EIF4G3: variants seen among roughly 807,000 people sequenced by gnomAD.
EIF4G3 encodes eukaryotic translation initiation factor 4 gamma 3, also known as eIF-4-gamma 3.
In EIF4G3, 34 loss-of-function variants were observed where a neutral mutation model predicts 186.4. The ratio of observed to expected loss-of-function variants is 0.18; its 90% CI spans 0.14 to 0.24. The LOEUF (loss-of-function observed/expected upper bound fraction) is 0.24. Among genes scored for constraint, EIF4G3 ranks in the 10% least tolerant of loss-of-function variants. The pLI is 1.00. For synonymous variants in EIF4G3, 673 were observed against 679.5 expected (o/e 0.99, Z 0.15); for missense variants, 1,536 against 1,948.5 (o/e 0.79, Z 3.99).
chr1:20,987,054 C>T (rs565179728), intron 7 of EIF4G3, among the ~76,000 whole-genome samples: 1 of 152,214 alleles, frequency 6.6e-6, no homozygotes, highest in East Asian at 1.9e-4. Context: ...GCTTACTTTC[C>T]CAGAAACACT....
chr1:20,916,953 A>G (rs1230931433), intron 14 of EIF4G3, among the ~76,000 whole-genome samples: 1 of 152,230 alleles, frequency 6.6e-6, no homozygotes, highest in East Asian at 1.9e-4. Context: ...AAAAATTAAT[A>G]TACACCTATA....
At chr1:20,983,458 C>T (rs2078735833) in intron 7 of EIF4G3, among the ~76,000 whole-genome samples, 1 of 152,216 alleles carries the variant, frequency 6.6e-6, no homozygotes, top group African/African-American at 2.4e-5. Context: ...CAGTAAACCT[C>T]CCATTACTGG....
intron 4 of EIF4G3, among the ~76,000 whole-genome samples, chr1:21,047,946 A>G (rs1482998846): frequency 1.3e-5 from 2 of 152,150 alleles, no homozygotes; most frequent in Admixed American, 6.5e-5. Flanking sequence ...GATGGAGGGG[A>G]AAAAAGGGCA....
chr1:20,918,815 G>C (rs2094200903), intron 14 of EIF4G3, among the ~76,000 whole-genome samples: 1 of 147,972 alleles, frequency 6.8e-6, no homozygotes, highest in Admixed American at 6.8e-5. Context: ...GAGCAGCTGA[G>C]ATTATAGGTC....
intron 2 of EIF4G3, among the ~76,000 whole-genome samples, chr1:21,119,516 A>G (rs2096889502): frequency 6.6e-6 from 1 of 152,208 alleles, no homozygotes; most frequent in Non-Finnish European, 1.5e-5. Context: ...CATGCTGACT[A>G]GTGAAAGAAA....
chr1:21,108,415 T>C (rs556874163), intron 2 of EIF4G3, among the ~76,000 whole-genome samples: 1 of 152,086 alleles, frequency 6.6e-6, no homozygotes, highest in Admixed American at 6.6e-5. Context: ...ATTAGTAAGA[T>C]TACTAGACAA....
At chr1:21,111,633 G>T (rs533781473) in intron 2 of EIF4G3, 1 of 258,288 alleles carries the variant, frequency 3.9e-6, no homozygotes, top group East Asian at 9.1e-5. Flanking sequence ...GTCCGTGGGA[G>T]CATGTGAGAT....
At chr1:21,141,480 GAA>G (rs1221266065) in intron 2 of EIF4G3, among the ~76,000 whole-genome samples, 8 of 70,008 alleles carry the variant, frequency 1.1e-4, no homozygotes, top group Middle Eastern at 0.018. Flanking sequence ...CCTACCAAGA[GAA>G]AAAAAAAAAA....
chr1:21,010,357 T>C lies in EIF4G3; in HGVS notation c.-66-7549A>G, dbSNP rs1015288565. 2.4e-4 allele frequency among the ~76,000 whole-genome samples: 36 copies of C among 149,102 alleles called. 1 individual carries two copies. Among genetic ancestry groups the C allele is most frequent in the African/African-American group, 8.7e-4 (35 of 40,020 alleles). ...ATCAGTTGAACCCAGGAGGCGAAGG[T>C]TGCAGTAAGCTGAGATAGTGCCACT... On this transcript the variant is annotated intron_variant, in intron 4 of 36. Transcript: ENST00000602326.
intron 7 of EIF4G3, among the ~76,000 whole-genome samples, chr1:20,992,187 A>T (rs1324826420): frequency 6.6e-6 from 1 of 152,202 alleles, no homozygotes; most frequent in Non-Finnish European, 1.5e-5. Flanking sequence ...CCAAAAAACA[A>T]AAAGTTCATA....
In EIF4G3 at chr1:20,899,691, A is replaced by G. The variant is rs1435210034; in HGVS notation, c.1999+6T>C. On this transcript the variant is annotated splice_donor_region_variant and intron_variant, in intron 16 of 36. Transcript: ENST00000602326. ...GAGGTACATAGGAAGGCAGGTATAA[A>G]CTTACCTGGTTTAAATGGAAATGTA... 1 of 1,614,026 alleles carries G rather than the reference A, an allele frequency of 6.2e-7. No individual in the cohort carries two copies. The highest frequency in any genetic ancestry group is 1.1e-5 in the South Asian group (1 of 91,070).
chr1:21,092,023 CTA>C (rs1301716152), intron 2 of EIF4G3, among the ~76,000 whole-genome samples: 1 of 152,184 alleles, frequency 6.6e-6, no homozygotes, highest in Non-Finnish European at 1.5e-5. Flanking sequence ...ACTTCCAACA[CTA>C]TGTTGAATAG....
At chr1:20,828,918 C>T (rs1207566418) in intron 31 of EIF4G3, among the ~76,000 whole-genome samples, 3 of 152,132 alleles carry the variant, frequency 2.0e-5, no homozygotes, top group Non-Finnish European at 4.4e-5. Flanking sequence ...AATCTATCAT[C>T]GCCACTACCC....
At chr1:21,176,127 AC>A (rs947652123) in intron 2 of EIF4G3, 47 bp downstream of exon 2, 7 of 336,162 alleles carry the variant, frequency 2.1e-5, no homozygotes, top group African/African-American at 1.3e-4. Flanking sequence ...GTCCCCCTGG[AC>A]TGCGACGACG....
At chr1:20,893,982 TA>T (rs1044284302) in intron 17 of EIF4G3, among the ~76,000 whole-genome samples, 5 of 150,052 alleles carry the variant, frequency 3.3e-5, no homozygotes, top group African/African-American at 1.2e-4. Flanking sequence ...ATTTTAGAAT[TA>T]AAAAAAAATA....
intron 20 of EIF4G3, among the ~76,000 whole-genome samples, chr1:20,872,625 T>C (rs2079527082): frequency 6.6e-6 from 1 of 150,860 alleles, no homozygotes; most frequent in African/African-American, 2.4e-5. Context: ...TCTCAGAAGC[T>C]CCACTTAAAT....
intron 3 of EIF4G3, among the ~76,000 whole-genome samples, chr1:21,084,686 T>A (rs1233316694): frequency 6.6e-6 from 1 of 152,116 alleles, no homozygotes; most frequent in Non-Finnish European, 1.5e-5. Flanking sequence ...CTGATGTTCC[T>A]TCTACCACAA....
intron 2 of EIF4G3, among the ~76,000 whole-genome samples, chr1:21,133,963 G>A (rs921998757): frequency 2.6e-5 from 4 of 152,044 alleles, no homozygotes; most frequent in Non-Finnish European, 5.9e-5. Context: ...TACTTACTGC[G>A]GAGATTTACA....
intron 4 of EIF4G3, among the ~76,000 whole-genome samples, chr1:21,022,283 A>T (rs2090912513): frequency 6.6e-6 from 1 of 152,224 alleles, no homozygotes; most frequent in Admixed American, 6.5e-5. Flanking sequence ...GGTGTCCATT[A>T]TGATTTTTCT....
Sources: allele counts gnomAD v4.1 joint callset (sites outside exome capture counted in the v4.1 genomes callset), GRCh38; gene constraint gnomAD v4.1.1; transcripts MANE v1.5; gene names NCBI Gene and HGNC (gene_info 2026-07-23, HGNC 2026-07-21).